Variants in LRRTM4 observed in about 807,000 individuals in gnomAD.
LRRTM4 encodes the protein leucine-rich repeat transmembrane neuronal protein 4.
In LRRTM4, 25 loss-of-function variants were observed where a neutral mutation model predicts 47.6. The ratio of observed to expected loss-of-function variants is 0.53; its 90% CI spans 0.38 to 0.73. LRRTM4 has a LOEUF of 0.73. Among genes scored for constraint, LRRTM4 ranks in the 30% least tolerant of loss-of-function variants. LRRTM4 has a pLI of 0.00. For synonymous variants in LRRTM4, 311 were observed against 269.5 expected (o/e 1.15, Z -1.51); for missense variants, 638 against 713.4 (o/e 0.89, Z 1.20).
At chr2:76,867,968 A>G (rs903003514) in intron 3 of LRRTM4, among the ~76,000 whole-genome samples, 1 of 152,180 alleles carries the variant, frequency 6.6e-6, no homozygotes, top group Non-Finnish European at 1.5e-5. Flanking sequence ...GATCAATTCT[A>G]TGAGAACTTA....
intron 3 of LRRTM4, among the ~76,000 whole-genome samples, chr2:76,992,495 G>A (rs1057114767): frequency 2.0e-5 from 3 of 151,286 alleles, no homozygotes; most frequent in Admixed American, 6.6e-5. Context: ...TAATGTCCAG[G>A]CTGAAATTAA....
chr2:77,226,222 A>T (rs1464128686), intron 3 of LRRTM4, among the ~76,000 whole-genome samples: 1 of 151,896 alleles, frequency 6.6e-6, no homozygotes, highest in Non-Finnish European at 1.5e-5. Flanking sequence ...CAAACAAAGC[A>T]GCCTATTACC....
At chr2:77,371,707 C>T (rs976932060) in intron 3 of LRRTM4, among the ~76,000 whole-genome samples, 1 of 151,588 alleles carries the variant, frequency 6.6e-6, no homozygotes, top group Non-Finnish European at 1.5e-5. Flanking sequence ...ATTTCCTTTA[C>T]AAATCTTCAA....
At chr2:77,449,246 G>A (rs1195724631) in intron 3 of LRRTM4, among the ~76,000 whole-genome samples, 1 of 152,088 alleles carries the variant, frequency 6.6e-6, no homozygotes, top group Admixed American at 6.6e-5. Context: ...TATAAATCTA[G>A]AAAAGTTTTA....
intron 3 of LRRTM4, among the ~76,000 whole-genome samples, chr2:76,919,621 A>G (rs904320491): frequency 2.6e-5 from 4 of 152,126 alleles, no homozygotes; most frequent in Non-Finnish European, 5.9e-5. Context: ...ACGAGCCCTG[A>G]CATTTTTTAA....
Position 76,748,083 on chromosome 2 carries a change from T to G in LRRTM4, c.*612A>C, listed in dbSNP as rs1672707416. 6.6e-6 allele frequency: 1 copy of G among 152,432 alleles called. No individual in the cohort carries two copies. The highest frequency in any genetic ancestry group is 2.4e-5 in the African/African-American group (1 of 41,434). The allele number at this position is 152,432 out of a possible 1,614,324, so 9.4% of individuals were successfully genotyped here. ...TTTTGTCAAACTTTGTGGTCAACTTTCTCCGTGGTCCGTGGTAAAGCACAT... is the reference window on the plus strand; with the variant it reads ...TTTTGTCAAACTTTGTGGTCAACTTGCTCCGTGGTCCGTGGTAAAGCACAT... On this transcript the variant is annotated 3_prime_UTR_variant, in exon 4 of 4. Transcript: ENST00000409884.
At chr2:77,488,791 T>C (rs544273151) in intron 3 of LRRTM4, among the ~76,000 whole-genome samples, 82 of 152,186 alleles carry the variant, frequency 5.4e-4, no homozygotes, top group African/African-American at 1.8e-3. Context: ...AATCTGGTAC[T>C]ACAAAGAGTC....
At chr2:77,119,657 CA>C (rs777046461) in intron 3 of LRRTM4, among the ~76,000 whole-genome samples, 6 of 151,748 alleles carry the variant, frequency 4.0e-5, no homozygotes, top group Non-Finnish European at 8.9e-5. Context: ...CAAATGATAA[CA>C]AAATCATTTA....
chr2:77,363,535 G>A (rs1476409051), intron 3 of LRRTM4, among the ~76,000 whole-genome samples: 1 of 152,164 alleles, frequency 6.6e-6, no homozygotes, highest in Non-Finnish European at 1.5e-5. Context: ...TGTCCTTTAA[G>A]GAATCAGGGC....
At chr2:77,065,881 T>C (rs189242984) in intron 3 of LRRTM4, among the ~76,000 whole-genome samples, 97 of 152,170 alleles carry the variant, frequency 6.4e-4, no homozygotes, top group African/African-American at 2.3e-3. Context: ...TAGCCTTATG[T>C]ATCTCACATG....
At chr2:77,377,912 A>G (rs1441819037) in intron 3 of LRRTM4, among the ~76,000 whole-genome samples, 1 of 152,050 alleles carries the variant, frequency 6.6e-6, no homozygotes, top group Non-Finnish European at 1.5e-5. Context: ...TCTTAAAAAA[A>G]TCAACCTATT....
chr2:77,339,608 A>T (rs572071131), intron 3 of LRRTM4, among the ~76,000 whole-genome samples: 1 of 152,208 alleles, frequency 6.6e-6, no homozygotes, highest in South Asian at 2.1e-4. Flanking sequence ...AGTGGTGAAG[A>T]CCATACAGCT....
At chr2:76,926,691 G>A (rs1302554024) in intron 3 of LRRTM4, among the ~76,000 whole-genome samples, 1 of 152,056 alleles carries the variant, frequency 6.6e-6, no homozygotes, top group African/African-American at 2.4e-5. Flanking sequence ...GCTCTCTCTT[G>A]CCCTCTCTTT....
intron 3 of LRRTM4, among the ~76,000 whole-genome samples, chr2:77,210,513 T>C (rs1366050960): frequency 6.6e-6 from 1 of 152,210 alleles, no homozygotes; most frequent in Non-Finnish European, 1.5e-5. Context: ...TTGTTTTCCT[T>C]TTCTGTCTCT....
chr2:76,994,483 A>G (rs548213859), intron 3 of LRRTM4, among the ~76,000 whole-genome samples: 9 of 151,758 alleles, frequency 5.9e-5, no homozygotes, highest in Non-Finnish European at 1.3e-4. Flanking sequence ...AGCTTTGGCT[A>G]CTGTTGATGC....
intron 3 of LRRTM4, among the ~76,000 whole-genome samples, chr2:76,929,920 A>C (rs964704652): frequency 8.5e-6 from 1 of 117,976 alleles, no homozygotes; most frequent in Non-Finnish European, 1.7e-5. Context: ...AATTGCAATT[A>C]GAGTTTGTGT....
intron 3 of LRRTM4, among the ~76,000 whole-genome samples, chr2:77,302,772 G>T (rs777588945): frequency 6.6e-6 from 1 of 152,144 alleles, no homozygotes. Flanking sequence ...CCCTTCCTGA[G>T]ACTGTGGAAT....
At chr2:77,449,617 C>T (rs965334826) in intron 3 of LRRTM4, among the ~76,000 whole-genome samples, 4 of 152,142 alleles carry the variant, frequency 2.6e-5, no homozygotes, top group African/African-American at 9.7e-5. Flanking sequence ...TTGAAGCACC[C>T]TCCACCAGCC....
chr2:77,459,215 T>C (rs997156743), intron 3 of LRRTM4, among the ~76,000 whole-genome samples: 2 of 152,124 alleles, frequency 1.3e-5, no homozygotes, highest in African/African-American at 2.4e-5. Flanking sequence ...TTCACCTCAT[T>C]GCTGGAAGAA....
Sources: gnomAD v4.1 joint callset for allele counts (sites outside exome capture counted in the v4.1 genomes callset) on GRCh38, gnomAD v4.1.1 for gene constraint, MANE v1.5 for transcripts, NCBI Gene and HGNC (gene_info 2026-07-23, HGNC 2026-07-21) for gene names.